Variants in CSMD1 observed in about 807,000 individuals in gnomAD.
The protein encoded by CSMD1 is CUB and Sushi multiple domains 1.
In CSMD1, 213 loss-of-function variants were observed where a neutral mutation model predicts 417.5. The ratio of observed to expected loss-of-function variants is 0.51; its 90% CI spans 0.46 to 0.57. CSMD1 has a LOEUF of 0.57. Ranked by LOEUF, CSMD1 falls within the 20% of genes least tolerant of loss-of-function variation. The pLI is 0.00. For synonymous variants in CSMD1, 2,862 were observed against 1,736.8 expected (o/e 1.65, Z -16.11); for missense variants, 6,923 against 4,529.7 (o/e 1.53, Z -15.17).
At chr8:4,915,390 G>C (rs889908733) in intron 1 of CSMD1, among the ~76,000 whole-genome samples, 2 of 152,160 alleles carry the variant, frequency 1.3e-5, no homozygotes, top group Non-Finnish European at 2.9e-5. Flanking sequence ...ATTCTGATCC[G>C]TATTTTAGAT....
At chr8:2,948,547 A>C (rs970179328) in intron 68 of CSMD1, among the ~76,000 whole-genome samples, 25 of 152,132 alleles carry the variant, frequency 1.6e-4, no homozygotes, top group African/African-American at 6.0e-4. Flanking sequence ...CATTTCTTTA[A>C]ATAAATATAC....
chr8:4,212,872 G>T (rs779768181), intron 3 of CSMD1, among the ~76,000 whole-genome samples: 1 of 149,700 alleles, frequency 6.7e-6, no homozygotes, highest in African/African-American at 2.5e-5. Flanking sequence ...CCTACAGGAA[G>T]ATGAGGACAA....
At position 4,955,457 on chromosome 8, in the gene CSMD1, T is replaced by C. The variant is rs1391160831; in HGVS notation, c.85+38875A>G. ...ACTTCGACCGCAACTCTCACCTCTC[T>C]TTTTTTTTTTTATTGTGAGACAGAG... On this transcript the variant is annotated intron_variant, in intron 1 of 69. Coordinates refer to ENST00000635120, the MANE Select transcript of CSMD1 (RefSeq NM_033225.6). 4.6e-5 allele frequency among the ~76,000 whole-genome samples: 4 copies of C among 86,790 alleles called. No individual in the cohort carries two copies. In the East Asian group the frequency reaches 1.1e-3, roughly 25 times the overall value. The allele number at this position is 86,790 out of a possible 152,430, so 56.9% of individuals were successfully genotyped here. A position where few individuals can be genotyped will look rare whatever the true frequency, so the allele number is the denominator to read the frequency against.
intron 3 of CSMD1, among the ~76,000 whole-genome samples, chr8:4,311,542 G>A (rs1365612560): frequency 2.0e-5 from 3 of 151,922 alleles, no homozygotes; most frequent in African/African-American, 7.3e-5. Context: ...GACCAATACG[G>A]TGAAACCCTG....
rs765781510 is a variant in CSMD1 at position 3,308,340 on chromosome 8, C to T, written c.3795G>A (p.Val1265=). The change falls in exon 24 of 70, where the codon GTG becomes GTA. Residue 1265 remains valine (V), a synonymous_variant. Coordinates refer to ENST00000635120, the MANE Select transcript of CSMD1 (RefSeq NM_033225.6). ...TGCACGAAGGTAGTGGTTTGTCCCACACTCTCCTGTCTCCACTCAAACAGG... is the reference window on the plus strand; with the variant it reads ...TGCACGAAGGTAGTGGTTTGTCCCATACTCTCCTGTCTCCACTCAAACAGG... ...TLTCLSGDRR[V]WDKPLPSCIA... 19 of 1,612,928 alleles carry T rather than the reference C, an allele frequency of 1.2e-5. No individual in the cohort carries two copies. The highest frequency in any genetic ancestry group is 1.7e-5 in the Admixed American group (1 of 60,010).
At chr8:4,925,691 C>G (rs188334582) in intron 1 of CSMD1, among the ~76,000 whole-genome samples, 1 of 151,958 alleles carries the variant, frequency 6.6e-6, no homozygotes, top group Non-Finnish European at 1.5e-5. Context: ...GGACTACAGG[C>G]GCCCGCCACC....
At chr8:4,005,281 T>C (rs996241582) in intron 4 of CSMD1, among the ~76,000 whole-genome samples, 5 of 152,064 alleles carry the variant, frequency 3.3e-5, no homozygotes, top group East Asian at 3.9e-4. Context: ...CAATAACTTA[T>C]AGAAAATAAA....
chr8:4,871,047 C>T (rs1296425795), intron 1 of CSMD1, among the ~76,000 whole-genome samples: 2 of 152,060 alleles, frequency 1.3e-5, no homozygotes, highest in African/African-American at 4.8e-5. Flanking sequence ...GGAGAGTCAG[C>T]AGTGCTGGGA....
intron 40 of CSMD1, among the ~76,000 whole-genome samples, chr8:3,146,815 G>T (rs1256006415): frequency 6.6e-6 from 1 of 152,188 alleles, no homozygotes; most frequent in Non-Finnish European, 1.5e-5. Flanking sequence ...TATTTAAATT[G>T]TGGCTCGATC....
chr8:3,539,463 A>C (rs1454440524), intron 10 of CSMD1, among the ~76,000 whole-genome samples: 1 of 152,190 alleles, frequency 6.6e-6, no homozygotes, highest in East Asian at 1.9e-4. Context: ...TGTGTGTTCT[A>C]ATCTGCATCT....
chr8:3,548,763 C>T (rs7459738), intron 10 of CSMD1, among the ~76,000 whole-genome samples: 66,324 of 150,878 alleles, frequency 0.44, 14,787 homozygotes, highest in East Asian at 0.52. Flanking sequence ...AGAGTAAGCC[C>T]GGCCAAGTTG....
chr8:4,404,751 C>A (rs947048881), intron 3 of CSMD1, among the ~76,000 whole-genome samples: 1 of 151,750 alleles, frequency 6.6e-6, no homozygotes, highest in Non-Finnish European at 1.5e-5. Flanking sequence ...ATTTGGATGG[C>A]ACATATAAAT....
chr8:3,628,274 A>G (rs1796593197), intron 7 of CSMD1, among the ~76,000 whole-genome samples: 1 of 152,120 alleles, frequency 6.6e-6, no homozygotes, highest in Non-Finnish European at 1.5e-5. Context: ...GAGAAAAACA[A>G]TCACAAAAGC....
chr8:4,400,398 C>T (rs759781715), intron 3 of CSMD1, among the ~76,000 whole-genome samples: 64 of 152,330 alleles, frequency 4.2e-4, no homozygotes, highest in Admixed American at 1.0e-3. Flanking sequence ...CTGTGTTTGC[C>T]GTTCCAGGAG....
intron 3 of CSMD1, among the ~76,000 whole-genome samples, chr8:4,370,136 G>T (rs528516693): frequency 1.3e-5 from 2 of 151,808 alleles, no homozygotes; most frequent in South Asian, 2.1e-4. Context: ...AAGGCAGGTC[G>T]AGTTTCAACA....
At chr8:3,874,684 C>T (rs1338383580) in intron 5 of CSMD1, among the ~76,000 whole-genome samples, 1 of 152,114 alleles carries the variant, frequency 6.6e-6, no homozygotes, top group Non-Finnish European at 1.5e-5. Flanking sequence ...GATGAAAACT[C>T]TGCAAGTCCC....
intron 19 of CSMD1, among the ~76,000 whole-genome samples, chr8:3,368,263 T>C (rs1444235686): frequency 6.6e-6 from 1 of 152,216 alleles, no homozygotes. Flanking sequence ...CATTTCATAT[T>C]AAGTCGGGTT....
intron 3 of CSMD1, among the ~76,000 whole-genome samples, chr8:4,114,193 C>T (rs1301814038): frequency 1.3e-5 from 2 of 152,194 alleles, no homozygotes; most frequent in African/African-American, 2.4e-5. Flanking sequence ...ATTAGGAGCT[C>T]ATGCAGCTGG....
chr8:4,281,456 G>C (rs1585151556), intron 3 of CSMD1, among the ~76,000 whole-genome samples: 1 of 152,106 alleles, frequency 6.6e-6, no homozygotes, highest in African/African-American at 2.4e-5. Flanking sequence ...GAAACAATTT[G>C]AGACTGGCAC....
Sources: allele counts gnomAD v4.1 joint callset (sites outside exome capture counted in the v4.1 genomes callset), GRCh38; gene constraint gnomAD v4.1.1; transcripts MANE v1.5; gene names NCBI Gene and HGNC (gene_info 2026-07-23, HGNC 2026-07-21).